The following TRHDE variants were observed in gnomAD, a reference collection of about 807,000 sequenced individuals.
TRHDE encodes thyrotropin releasing hormone degrading enzyme, also known as thyrotropin-releasing hormone-degrading ectoenzyme.
A neutral mutation model predicts 125.7 loss-of-function variants in TRHDE; 72 were observed. The ratio of observed to expected loss-of-function variants is 0.57; its 90% CI spans 0.47 to 0.70. The LOEUF is 0.70. Ranked by LOEUF, TRHDE falls within the 30% of genes least tolerant of loss-of-function variation. The pLI is 0.00. For missense variants in TRHDE, 1,110 were observed against 1,327.1 expected (o/e 0.84, Z 2.54); for synonymous variants, 509 against 509.1 (o/e 1.00, Z 0.00).
intron 5 of TRHDE, among the ~76,000 whole-genome samples, chr12:72,491,730 C>T (rs1212288026): frequency 1.3e-5 from 2 of 151,890 alleles, no homozygotes; most frequent in Non-Finnish European, 2.9e-5. Flanking sequence ...CACAAAATCA[C>T]CTGAGATATT....
chr12:72,152,044 C>T (rs1321757722), intron 2 of TRHDE, among the ~76,000 whole-genome samples: 4 of 151,816 alleles, frequency 2.6e-5, no homozygotes, highest in African/African-American at 9.7e-5. Context: ...AATGTTCTTC[C>T]ATTTGTTTGT....
chr12:72,338,995 A>G (rs967361869), intron 2 of TRHDE, among the ~76,000 whole-genome samples: 2 of 152,194 alleles, frequency 1.3e-5, no homozygotes, highest in Admixed American at 1.3e-4. Context: ...TTTCAGTAGA[A>G]GAATATTTCT....
At chr12:72,175,984 G>A (rs1294155876) in intron 2 of TRHDE, among the ~76,000 whole-genome samples, 1 of 152,164 alleles carries the variant, frequency 6.6e-6, no homozygotes, top group Admixed American at 6.5e-5. Flanking sequence ...AGGCAGAATT[G>A]GTCTGAGAGA....
intron 1 of TRHDE, among the ~76,000 whole-genome samples, chr12:72,283,562 C>G (rs1239839300): frequency 6.6e-6 from 1 of 152,054 alleles, no homozygotes; most frequent in African/African-American, 2.4e-5. Context: ...GAAGAAGTCA[C>G]TAGGTGATCT....
At chr12:72,190,849 G>A (rs1206098085) in intron 2 of TRHDE, among the ~76,000 whole-genome samples, 1 of 152,156 alleles carries the variant, frequency 6.6e-6, no homozygotes. Context: ...CCTGCTCATT[G>A]TGCAATTTGC....
At chr12:72,302,098 A>T (rs1218469559) in intron 2 of TRHDE, among the ~76,000 whole-genome samples, 1 of 152,118 alleles carries the variant, frequency 6.6e-6, no homozygotes, top group African/African-American at 2.4e-5. Context: ...TTCATTTATG[A>T]TTCTGTTACA....
chr12:72,528,866 G>T (rs1257866614), intron 6 of TRHDE, among the ~76,000 whole-genome samples: 1 of 151,904 alleles, frequency 6.6e-6, no homozygotes, highest in Non-Finnish European at 1.5e-5. Flanking sequence ...ATTGGATTCA[G>T]AAATAAACAA....
chr12:72,495,064 T>TTA (rs1230825839), intron 5 of TRHDE, among the ~76,000 whole-genome samples: 1 of 135,908 alleles, frequency 7.4e-6, no homozygotes, highest in Non-Finnish European at 1.6e-5. Flanking sequence ...TCCCCCGTTT[T>TTA]TTTTTTTTTT....
intron 1 of TRHDE, among the ~76,000 whole-genome samples, chr12:72,088,685 G>A (rs1042162757): frequency 2.6e-5 from 4 of 152,016 alleles, no homozygotes; most frequent in African/African-American, 9.7e-5. Context: ...CCCATCCTGA[G>A]TTCTGTTCTT....
rs549968976 is a variant in TRHDE at position 72,336,131 on chromosome 12, G to A, written c.1189-41864G>A. Reference sequence around the variant, plus strand: ...AGAAAAGAATTTTAACATTTGTTGAGAACTTACCATTTATTATCTATTCTA... The same window carrying A: ...AGAAAAGAATTTTAACATTTGTTGAAAACTTACCATTTATTATCTATTCTA... On this transcript the variant is annotated intron_variant, in intron 2 of 18. Coordinates refer to ENST00000261180, the MANE Select transcript of TRHDE (RefSeq NM_013381.3). 1.3e-4 allele frequency among the ~76,000 whole-genome samples: 20 copies of A among 152,158 alleles called. No individual in the cohort carries two copies. In the South Asian group the frequency reaches 3.9e-3, roughly 30 times the overall value.
chr12:72,220,923 A>G (rs1403304802), intron 2 of TRHDE, among the ~76,000 whole-genome samples: 1 of 152,126 alleles, frequency 6.6e-6, no homozygotes, highest in Admixed American at 6.6e-5. Flanking sequence ...TTAAATAAAT[A>G]TAACAACTTT....
At chr12:72,540,353 T>C (rs2135985497) in intron 6 of TRHDE, among the ~76,000 whole-genome samples, 1 of 151,916 alleles carries the variant, frequency 6.6e-6, no homozygotes, top group South Asian at 2.1e-4. Flanking sequence ...TTCTAGTTTT[T>C]CCTTCCTGTT....
chr12:72,310,738 G>A (rs1368945706), intron 2 of TRHDE, among the ~76,000 whole-genome samples: 1 of 152,038 alleles, frequency 6.6e-6, no homozygotes, highest in African/African-American at 2.4e-5. Flanking sequence ...TGAAGTTTTT[G>A]CTTCCCTCGT....
chr12:72,364,004 G>C (rs945889964), intron 2 of TRHDE, among the ~76,000 whole-genome samples: 2 of 152,010 alleles, frequency 1.3e-5, no homozygotes, highest in African/African-American at 2.4e-5. Context: ...CAAATCATGA[G>C]TGAACTCCCA....
intron 9 of TRHDE, among the ~76,000 whole-genome samples, chr12:72,563,473 T>A (rs1870282060): frequency 6.6e-6 from 1 of 152,088 alleles, no homozygotes; most frequent in Admixed American, 6.5e-5. Context: ...AATGTCTGAG[T>A]CAAAGGAATT....
intron 12 of TRHDE, among the ~76,000 whole-genome samples, chr12:72,603,726 A>C (rs1378694801): frequency 6.6e-6 from 1 of 150,860 alleles, no homozygotes; most frequent in Non-Finnish European, 1.5e-5. Flanking sequence ...CTCCGTCTCA[A>C]AACAAAAAAC....
intron 2 of TRHDE, among the ~76,000 whole-genome samples, chr12:72,222,430 C>T (rs778117417): frequency 2.6e-5 from 4 of 152,166 alleles, no homozygotes; most frequent in East Asian, 3.9e-4. Context: ...TAACTGGCAT[C>T]GTAGATCAAT....
Position 72,640,333 on chromosome 12 carries a change from G to C in TRHDE, c.2676-11989G>C, listed in dbSNP as rs113660489. On this transcript the variant is annotated intron_variant, in intron 15 of 18. Transcript: ENST00000261180. ...AACTCCCTGACCCCCTGCGCTTCCCGAGTGAGGCAATGCCTCGCCCTGCTT... is the reference window on the plus strand; with the variant it reads ...AACTCCCTGACCCCCTGCGCTTCCCCAGTGAGGCAATGCCTCGCCCTGCTT... Among the ~76,000 whole-genome samples the C allele has an allele frequency of 3.2e-3, 491 of 152,314 alleles. 1 individual carries two copies. Among genetic ancestry groups the C allele is most frequent in the Non-Finnish European group, 5.6e-3 (381 of 68,026 alleles).
chr12:72,403,443 A>G (rs901342012), intron 3 of TRHDE, among the ~76,000 whole-genome samples: 1 of 152,192 alleles, frequency 6.6e-6, no homozygotes, highest in East Asian at 1.9e-4. Flanking sequence ...TGTTTTACAT[A>G]TCTTTTTTTA....
Sources: gnomAD v4.1 joint callset for allele counts (sites outside exome capture counted in the v4.1 genomes callset) on GRCh38, gnomAD v4.1.1 for gene constraint, MANE v1.5 for transcripts, NCBI Gene and HGNC (gene_info 2026-07-23, HGNC 2026-07-21) for gene names.